KLHL32: variants seen among roughly 807,000 people sequenced by gnomAD.
KLHL32 encodes kelch like family member 32.
In KLHL32, 35 loss-of-function variants were observed where a neutral mutation model predicts 64.8. That is an observed-to-expected ratio of 0.54 (90% CI 0.41 to 0.72). The LOEUF (loss-of-function observed/expected upper bound fraction) is 0.72, where lower values mean the gene tolerates loss of function less well. Among genes scored for constraint, KLHL32 ranks in the 30% least tolerant of loss-of-function variants. The probability of loss-of-function intolerance (pLI) is 0.00; values close to 1 mark genes in which losing one functional copy is unlikely to be tolerated. For missense variants in KLHL32, 589 were observed against 768.5 expected (o/e 0.77, Z 2.76); for synonymous variants, 259 against 281.0 (o/e 0.92, Z 0.78).
intron 6 of KLHL32, among the ~76,000 whole-genome samples, chr6:97,095,958 C>T (rs1318646117): frequency 6.6e-6 from 1 of 151,990 alleles, no homozygotes; most frequent in African/African-American, 2.4e-5. Context: ...GTAGGTAGAA[C>T]GACATGAATT....
chr6:97,099,748 C>A (rs1270323245), intron 6 of KLHL32, among the ~76,000 whole-genome samples: 1 of 152,156 alleles, frequency 6.6e-6, no homozygotes, highest in African/African-American at 2.4e-5. Context: ...TGATTCCTTA[C>A]ATGCTTGATT....
chr6:96,949,338 T>G (rs1772297139), intron 1 of KLHL32, among the ~76,000 whole-genome samples: 2 of 152,110 alleles, frequency 1.3e-5, no homozygotes, highest in African/African-American at 4.8e-5. Context: ...TTAGTCAGTT[T>G]TCTCTTCATG....
At chr6:97,063,860 C>A (rs538461306) in intron 4 of KLHL32, among the ~76,000 whole-genome samples, 237 of 152,270 alleles carry the variant, frequency 1.6e-3, no homozygotes, top group African/African-American at 5.6e-3. Context: ...TTGCACCTGG[C>A]AGTAATTCAT....
intron 3 of KLHL32, among the ~76,000 whole-genome samples, chr6:96,990,563 G>C (rs1777733476): frequency 6.6e-6 from 1 of 152,188 alleles, no homozygotes; most frequent in Admixed American, 6.5e-5. Context: ...GGTGCACACT[G>C]CAGCTCTGGG....
chr6:97,078,224 T>A (rs1374048796), intron 5 of KLHL32, among the ~76,000 whole-genome samples: 1 of 152,188 alleles, frequency 6.6e-6, no homozygotes, highest in Non-Finnish European at 1.5e-5. Context: ...GAGCCAAGGA[T>A]GGCCTTTCAT....
intron 1 of KLHL32, among the ~76,000 whole-genome samples, chr6:96,957,512 ATTTAT>A (rs984444799): frequency 3.9e-5 from 6 of 152,218 alleles, no homozygotes; most frequent in African/African-American, 7.2e-5. Flanking sequence ...AAGATGAATA[ATTTAT>A]TTTAATTTTA....
At chr6:97,070,635 A>G (rs1436032029) in intron 5 of KLHL32, among the ~76,000 whole-genome samples, 24 of 152,204 alleles carry the variant, frequency 1.6e-4, no homozygotes, top group Admixed American at 1.6e-3. Context: ...AAGAGGAGAA[A>G]GATTCTCCTG....
intron 3 of KLHL32, among the ~76,000 whole-genome samples, chr6:97,033,485 C>A (rs1783869612): frequency 6.6e-6 from 1 of 152,036 alleles, no homozygotes; most frequent in East Asian, 1.9e-4. Flanking sequence ...CTGTAATAAC[C>A]ATGGGAGTGT....
At chr6:97,068,220 A>G (rs182000839) in intron 5 of KLHL32, among the ~76,000 whole-genome samples, 72 of 152,348 alleles carry the variant, frequency 4.7e-4, no homozygotes, top group African/African-American at 1.6e-3. Context: ...TTGCCCAAGC[A>G]TATTATATTG....
the KLHL32 span, among the ~76,000 whole-genome samples, chr6:96,902,050 A>C: frequency 3.2e-4 from 48 of 152,302 alleles, 1 homozygote; most frequent in African/African-American, 9.9e-4. Flanking sequence ...ATACATGTGC[A>C]TATGTCTTTT....
At chr6:97,070,480 G>T (rs886307334) in intron 5 of KLHL32, among the ~76,000 whole-genome samples, 3 of 152,046 alleles carry the variant, frequency 2.0e-5, no homozygotes, top group Non-Finnish European at 4.4e-5. Flanking sequence ...TATTATGTTG[G>T]CTTTTATTCC....
chr6:96,943,822 G>C lies in KLHL32; in HGVS notation c.-66+18796G>C, dbSNP rs561119081. Among the ~76,000 whole-genome samples the C allele has an allele frequency of 6.9e-4, 105 of 152,336 alleles. 1 individual carries two copies. Among genetic ancestry groups the C allele is most frequent in the African/African-American group, 2.4e-3 (101 of 41,580 alleles). ...GGGAAGGGAAAAGTCATATCTGGCA[G>C]GGGAACGAGTGTGCAGATGCATTCT... On this transcript the variant is annotated intron_variant, in intron 1 of 10. Coordinates refer to ENST00000369261, the MANE Select transcript of KLHL32 (RefSeq NM_052904.4).
chr6:96,906,351 T>A, the KLHL32 span, among the ~76,000 whole-genome samples: 1 of 152,138 alleles, frequency 6.6e-6, no homozygotes, highest in South Asian at 2.1e-4. Context: ...GGTGGTGGAA[T>A]GAAGAGGGAT....
chr6:97,138,760 G>A (rs1329166152), intron 10 of KLHL32, among the ~76,000 whole-genome samples: 4 of 152,162 alleles, frequency 2.6e-5, no homozygotes, highest in Non-Finnish European at 5.9e-5. Flanking sequence ...CACAGATGAG[G>A]ATGTTTAAGC....
At chr6:97,051,963 A>G (rs137957757) in intron 4 of KLHL32, among the ~76,000 whole-genome samples, 3 of 152,198 alleles carry the variant, frequency 2.0e-5, no homozygotes, top group Non-Finnish European at 4.4e-5. Context: ...TATGCAGTCT[A>G]TTCATCTGGC....
intron 5 of KLHL32, among the ~76,000 whole-genome samples, chr6:97,067,202 T>C (rs961543649): frequency 3.3e-5 from 5 of 152,292 alleles, no homozygotes; most frequent in Admixed American, 6.5e-5. Context: ...CCTGTGAACA[T>C]GTAAATGGTG....
Position 97,001,331 on chromosome 6 carries a change from C to T in KLHL32, c.204+25154C>T, listed in dbSNP as rs144093577. On this transcript the variant is annotated intron_variant, in intron 3 of 10. Transcript: ENST00000369261. ...TTTTACTGGTGAACCTAAAACTGGT[C>T]TAAAACATACATTTTATTAATTAAA... 1.7e-3 allele frequency among the ~76,000 whole-genome samples: 259 copies of T among 152,236 alleles called. 3 individuals are homozygous for T. The highest frequency in any genetic ancestry group is 5.9e-3 in the African/African-American group (246 of 41,552).
intron 6 of KLHL32, among the ~76,000 whole-genome samples, chr6:97,089,002 C>A (rs1488369540): frequency 6.6e-6 from 1 of 152,176 alleles, no homozygotes; most frequent in African/African-American, 2.4e-5. Context: ...AATATAACAT[C>A]AATTCTTATA....
intron 6 of KLHL32, among the ~76,000 whole-genome samples, chr6:97,095,246 C>T (rs748329192): frequency 4.6e-5 from 7 of 152,196 alleles, no homozygotes; most frequent in Non-Finnish European, 1.0e-4. Context: ...CTGCTGAGGA[C>T]TGTAATCAAT....
Sources: gnomAD v4.1 joint callset for allele counts (sites outside exome capture counted in the v4.1 genomes callset) on GRCh38, gnomAD v4.1.1 for gene constraint, MANE v1.5 for transcripts, NCBI Gene and HGNC (gene_info 2026-07-23, HGNC 2026-07-21) for gene names.